Variants in GRM7 observed in about 807,000 individuals in gnomAD.
GRM7 encodes metabotropic glutamate receptor 7.
GRM7 carries 35 observed loss-of-function variants against 84.5 expected under a neutral mutation model. The ratio of observed to expected loss-of-function variants is 0.41; its 90% CI spans 0.32 to 0.55. The LOEUF is 0.55. Among genes scored for constraint, GRM7 ranks in the 20% least tolerant of loss-of-function variants. The pLI, the probability that GRM7 is intolerant of heterozygous loss-of-function variation, is 0.19. For synonymous variants in GRM7, 487 were observed against 455.1 expected (o/e 1.07, Z -0.89); for missense variants, 1,003 against 1,194.6 (o/e 0.84, Z 2.36).
At chr3:7,273,069 T>C (rs1420017515) in intron 2 of GRM7, among the ~76,000 whole-genome samples, 2 of 152,148 alleles carry the variant, frequency 1.3e-5, no homozygotes, top group Admixed American at 6.5e-5. Context: ...TGTCAAAATA[T>C]GTTTAAGTTT....
intron 2 of GRM7, among the ~76,000 whole-genome samples, chr3:7,220,106 C>A (rs985722236): frequency 2.6e-5 from 4 of 152,174 alleles, no homozygotes; most frequent in African/African-American, 9.7e-5. Flanking sequence ...AGGCAAATCT[C>A]TTATACAGAA....
At chr3:7,002,994 A>T (rs1695067794) in intron 1 of GRM7, among the ~76,000 whole-genome samples, 1 of 152,218 alleles carries the variant, frequency 6.6e-6, no homozygotes. Flanking sequence ...ACCCAGAAAG[A>T]TGAATATCAT....
chr3:7,088,520 C>T (rs143248372), intron 1 of GRM7, among the ~76,000 whole-genome samples: 130 of 149,430 alleles, frequency 8.7e-4, no homozygotes, highest in Non-Finnish European at 1.5e-3. Flanking sequence ...TTTGCAGTGC[C>T]AGGGATGAGA....
intron 8 of GRM7, among the ~76,000 whole-genome samples, chr3:7,592,681 C>T (rs1171557914): frequency 6.6e-6 from 1 of 152,188 alleles, no homozygotes; most frequent in Non-Finnish European, 1.5e-5. Context: ...AAAACAGTGT[C>T]TGCTACCTGA....
intron 1 of GRM7, among the ~76,000 whole-genome samples, chr3:7,039,903 T>G (rs1181223171): frequency 6.6e-6 from 1 of 152,182 alleles, no homozygotes; most frequent in Non-Finnish European, 1.5e-5. Flanking sequence ...TCCTTGGCAT[T>G]TTTAAAACAA....
intron 4 of GRM7, among the ~76,000 whole-genome samples, chr3:7,378,267 C>T (rs566601231): frequency 1.3e-5 from 2 of 152,196 alleles, no homozygotes; most frequent in East Asian, 3.9e-4. Context: ...TTTGGTACCA[C>T]ATGAGGTCTG....
chr3:7,638,466 G>A (rs1317654797), intron 8 of GRM7, among the ~76,000 whole-genome samples: 1 of 152,186 alleles, frequency 6.6e-6, no homozygotes, highest in Non-Finnish European at 1.5e-5. Context: ...CCAGTTTGAT[G>A]ATAATAAAAG....
chr3:7,305,658 A>G (rs1700169362), intron 3 of GRM7, among the ~76,000 whole-genome samples: 1 of 149,714 alleles, frequency 6.7e-6, no homozygotes, highest in South Asian at 2.1e-4. Flanking sequence ...GAAAACTGTC[A>G]TTTCCTGCCT....
chr3:7,224,808 GA>G (rs957375473), intron 2 of GRM7, among the ~76,000 whole-genome samples: 1 of 151,900 alleles, frequency 6.6e-6, no homozygotes, highest in Non-Finnish European at 1.5e-5. Flanking sequence ...TGTGTAGTGG[GA>G]GGGGTGCAAG....
chr3:7,697,176 G>C (rs138526131), intron 9 of GRM7, among the ~76,000 whole-genome samples: 156 of 152,240 alleles, frequency 1.0e-3, no homozygotes, highest in East Asian at 1.9e-3. Flanking sequence ...CAATGAGTTT[G>C]TGTCCAGAAG....
intron 8 of GRM7, among the ~76,000 whole-genome samples, chr3:7,632,043 C>CAAAG (rs772584035): frequency 6.6e-6 from 1 of 152,172 alleles, no homozygotes; most frequent in East Asian, 1.9e-4. Context: ...TGTTCCAGAA[C>CAAAG]AAAGAAAGAA....
intron 1 of GRM7, among the ~76,000 whole-genome samples, chr3:7,065,127 A>G (rs547426783): frequency 6.6e-6 from 1 of 151,772 alleles, no homozygotes; most frequent in Admixed American, 6.6e-5. Flanking sequence ...GATTTTCTCC[A>G]ACTCTGTGGG....
chr3:7,529,901 T>G (rs1372462668), intron 7 of GRM7, among the ~76,000 whole-genome samples: 6 of 118,206 alleles, frequency 5.1e-5, no homozygotes, highest in African/African-American at 2.0e-4. Context: ...CACTGGCTGT[T>G]AGGACCTTTT....
At position 7,594,374 on chromosome 3, in the gene GRM7, A is replaced by T. The variant is rs549168755; in HGVS notation, c.2451+15017A>T. On this transcript the variant is annotated intron_variant, in intron 8 of 9. Coordinates refer to ENST00000357716, the MANE Select transcript of GRM7 (RefSeq NM_000844.4). The stretch of plus-strand genomic sequence containing the variant: ...ACATAGGTTATAAGAATGCCACCCC[A>T]TGGAGTTGTACGGTGTGTTGCCTGC... Among the ~76,000 whole-genome samples, 19 of 152,258 alleles carry T rather than the reference A, an allele frequency of 1.2e-4. No homozygotes were observed. In the South Asian group the frequency reaches 2.1e-3, roughly 17 times the overall value.
intron 1 of GRM7, among the ~76,000 whole-genome samples, chr3:7,075,525 TGTGTGTG>T (rs1698039168): frequency 2.6e-5 from 4 of 151,146 alleles, no homozygotes; most frequent in African/African-American, 9.7e-5. Context: ...TGTGTGTGTG[TGTGTGTG>T]TGTGTGTGTG....
chr3:7,672,601 CTTTTTTT>C (rs773468950), intron 8 of GRM7, among the ~76,000 whole-genome samples: 3 of 116,986 alleles, frequency 2.6e-5, no homozygotes, highest in Admixed American at 8.9e-5. Flanking sequence ...TTTTAATATA[CTTTTTTT>C]TTTTTTTTTT....
At chr3:7,336,646 A>G (rs946921326) in intron 4 of GRM7, among the ~76,000 whole-genome samples, 3 of 151,998 alleles carry the variant, frequency 2.0e-5, no homozygotes, top group Non-Finnish European at 2.9e-5. Context: ...AGAAAACCCT[A>G]AAGTCTCATC....
At chr3:7,112,817 C>T (rs1041245428) in intron 1 of GRM7, among the ~76,000 whole-genome samples, 2 of 152,136 alleles carry the variant, frequency 1.3e-5, no homozygotes, top group Non-Finnish European at 2.9e-5. Flanking sequence ...ATTTCAAGGT[C>T]ATGAGTGACT....
At chr3:7,191,279 T>G (rs1051187263) in intron 2 of GRM7, among the ~76,000 whole-genome samples, 4 of 152,066 alleles carry the variant, frequency 2.6e-5, no homozygotes, top group Non-Finnish European at 5.9e-5. Flanking sequence ...TTGAAACCCA[T>G]TATGCATCTT....
Sources: allele counts gnomAD v4.1 joint callset (sites outside exome capture counted in the v4.1 genomes callset), GRCh38; gene constraint gnomAD v4.1.1; transcripts MANE v1.5; gene names NCBI Gene and HGNC (gene_info 2026-07-23, HGNC 2026-07-21).